KCNQ5: variants seen among roughly 807,000 people sequenced by gnomAD.
The protein encoded by KCNQ5 is potassium voltage-gated channel subfamily KQT member 5.
In KCNQ5, 30 loss-of-function variants were observed where a neutral mutation model predicts 98.2. The ratio of observed to expected loss-of-function variants is 0.31; its 90% CI spans 0.23 to 0.41. The LOEUF (loss-of-function observed/expected upper bound fraction) is 0.41, where lower values mean the gene tolerates loss of function less well. KCNQ5 is among the 10% of genes least tolerant of loss of function. KCNQ5 has a pLI of 1.00. For synonymous variants in KCNQ5, 458 were observed against 449.4 expected (o/e 1.02, Z -0.24); for missense variants, 835 against 1,182.5 (o/e 0.71, Z 4.31).
chr6:73,129,936 G>A, intron 9 of KCNQ5: 1 of 1,039,324 alleles, frequency 9.6e-7, no homozygotes, highest in Non-Finnish European at 1.5e-6. Flanking sequence ...CACCCCACCT[G>A]AGCCCTGTTC....
chr6:73,016,896 T>C (rs1386702981), intron 2 of KCNQ5, among the ~76,000 whole-genome samples: 2 of 152,096 alleles, frequency 1.3e-5, no homozygotes, highest in African/African-American at 2.4e-5. Flanking sequence ...GTGGTTCCCA[T>C]TTGCTTACTG....
chr6:72,843,539 T>C (rs1460804199), intron 1 of KCNQ5, among the ~76,000 whole-genome samples: 1 of 152,190 alleles, frequency 6.6e-6, no homozygotes, highest in Non-Finnish European at 1.5e-5. Flanking sequence ...GGTAGCTTGA[T>C]GGGGATAGCA....
At chr6:72,686,717 G>GTTTTTTTTTTTTTTTTTT (rs1554688157) in intron 1 of KCNQ5, among the ~76,000 whole-genome samples, 5 of 97,484 alleles carry the variant, frequency 5.1e-5, no homozygotes, top group Admixed American at 1.0e-4. Context: ...TTTATGGGTT[G>GTTTTTTTTTTTTTTTTTT]TTTTTTTTTT....
chr6:73,010,569 A>G (rs1189722362), intron 2 of KCNQ5, among the ~76,000 whole-genome samples: 1 of 151,876 alleles, frequency 6.6e-6, no homozygotes, highest in Non-Finnish European at 1.5e-5. Context: ...AGGCATCCCA[A>G]CTGAAAAAGT....
intron 1 of KCNQ5, among the ~76,000 whole-genome samples, chr6:72,924,752 A>C (rs1043421137): frequency 6.6e-6 from 1 of 152,066 alleles, no homozygotes; most frequent in Non-Finnish European, 1.5e-5. Flanking sequence ...TTTGCCTACA[A>C]CTGAAGGATA....
intron 1 of KCNQ5, among the ~76,000 whole-genome samples, chr6:72,770,168 T>G (rs1347368031): frequency 6.6e-5 from 10 of 152,118 alleles, no homozygotes; most frequent in Non-Finnish European, 1.2e-4. Flanking sequence ...GAGAAATGGA[T>G]TCTAGAAAAT....
chr6:72,830,318 A>G (rs1776196951), intron 1 of KCNQ5, among the ~76,000 whole-genome samples: 1 of 152,154 alleles, frequency 6.6e-6, no homozygotes, highest in Non-Finnish European at 1.5e-5. Context: ...GCATCACACT[A>G]CCTAACTTCA....
At chr6:72,826,240 C>T (rs1775987820) in intron 1 of KCNQ5, among the ~76,000 whole-genome samples, 1 of 152,102 alleles carries the variant, frequency 6.6e-6, no homozygotes, top group African/African-American at 2.4e-5. Context: ...TCACCAGTTA[C>T]CCTTCCTGCA....
intron 1 of KCNQ5, among the ~76,000 whole-genome samples, chr6:72,992,794 G>C (rs1322196017): frequency 9.1e-6 from 1 of 109,402 alleles, no homozygotes; most frequent in South Asian, 3.2e-4. Context: ...GCAGCGGCTG[G>C]TACCGGTTGT....
At chr6:72,879,500 C>G (rs1470202353) in intron 1 of KCNQ5, among the ~76,000 whole-genome samples, 6 of 152,016 alleles carry the variant, frequency 3.9e-5, no homozygotes, top group African/African-American at 1.4e-4. Context: ...GTTTCATATT[C>G]TAAATATTTA....
At chr6:72,636,058 T>C (rs2098923934) in intron 1 of KCNQ5, among the ~76,000 whole-genome samples, 1 of 152,130 alleles carries the variant, frequency 6.6e-6, no homozygotes. Context: ...AGATATTCAG[T>C]GAATAATTTT....
intron 5 of KCNQ5, among the ~76,000 whole-genome samples, chr6:73,078,691 A>C (rs1228895062): frequency 1.3e-5 from 2 of 152,230 alleles, no homozygotes; most frequent in African/African-American, 4.8e-5. Context: ...GAATTTATTT[A>C]CATGTCCATA....
intron 1 of KCNQ5, among the ~76,000 whole-genome samples, chr6:72,782,543 G>T (rs1275910449): frequency 6.6e-6 from 1 of 152,128 alleles, no homozygotes; most frequent in Non-Finnish European, 1.5e-5. Context: ...TTGTTTTGAT[G>T]AATTAATCAT....
At chr6:73,194,157 T>C (rs1276681717) in intron 13 of KCNQ5, among the ~76,000 whole-genome samples, 1 of 152,158 alleles carries the variant, frequency 6.6e-6, no homozygotes, top group Non-Finnish European at 1.5e-5. Flanking sequence ...GTCTTAAAGT[T>C]GCATTTTTAT....
intron 11 of KCNQ5, among the ~76,000 whole-genome samples, chr6:73,188,684 G>A (rs1765472375): frequency 6.6e-6 from 1 of 152,132 alleles, no homozygotes; most frequent in Non-Finnish European, 1.5e-5. Context: ...AGCACTGACT[G>A]TTGAACAAAA....
At chr6:72,794,225 A>G (rs995523272) in intron 1 of KCNQ5, among the ~76,000 whole-genome samples, 2 of 152,166 alleles carry the variant, frequency 1.3e-5, no homozygotes, top group African/African-American at 4.8e-5. Context: ...TGCTACACAT[A>G]TGTTTATATC....
chr6:73,061,902 A>G (rs1772798746), intron 3 of KCNQ5, among the ~76,000 whole-genome samples: 1 of 152,130 alleles, frequency 6.6e-6, no homozygotes. Flanking sequence ...GATACCTACA[A>G]TCAGAAAAAA....
intron 1 of KCNQ5, among the ~76,000 whole-genome samples, chr6:72,813,622 C>G (rs1355121532): frequency 6.6e-6 from 1 of 152,110 alleles, no homozygotes; most frequent in East Asian, 1.9e-4. Flanking sequence ...GGTATTGATT[C>G]CAGGACCCCA....
chr6:72,908,849 A>G (rs1191311442), intron 1 of KCNQ5, among the ~76,000 whole-genome samples: 1 of 152,182 alleles, frequency 6.6e-6, no homozygotes, highest in East Asian at 1.9e-4. Context: ...AGAAATTCTT[A>G]TAAATATTTC....
Sources: allele counts gnomAD v4.1 joint callset (sites outside exome capture counted in the v4.1 genomes callset), GRCh38; gene constraint gnomAD v4.1.1; transcripts MANE v1.5; gene names NCBI Gene and HGNC (gene_info 2026-07-23, HGNC 2026-07-21).